Variants in LARP1B observed in about 807,000 individuals in gnomAD.
LARP1B encodes La ribonucleoprotein 1B.
Under a neutral mutation model 114.2 loss-of-function variants are expected in LARP1B, and 76 were observed. The ratio of observed to expected loss-of-function variants is 0.67; its 90% CI spans 0.55 to 0.81. The LOEUF is 0.81. Ranked by LOEUF, LARP1B falls within the 30% of genes least tolerant of loss-of-function variation. The probability of loss-of-function intolerance (pLI) is 0.00; values close to 1 mark genes in which losing one functional copy is unlikely to be tolerated. For synonymous variants in LARP1B, 345 were observed against 348.0 expected, an observed-to-expected ratio of 0.99 and a Z score of 0.10; for missense variants, 1,014 against 1,075.8, an observed-to-expected ratio of 0.94 and a Z score of 0.80.
intron 1 of LARP1B, among the ~76,000 whole-genome samples, chr4:128,064,176 G>A (rs1444876483): frequency 2.0e-5 from 3 of 149,226 alleles, no homozygotes; most frequent in Non-Finnish European, 4.4e-5. Context: ...GGAGGTTGAG[G>A]CAGGAGAATC....
At chr4:128,080,184 T>C (rs2149441805) in intron 4 of LARP1B, among the ~76,000 whole-genome samples, 1 of 151,818 alleles carries the variant, frequency 6.6e-6, no homozygotes, top group African/African-American at 2.4e-5. Context: ...GGTTTCTCCA[T>C]GTTGGTCAGG....
chr4:128,139,959 T>C (rs572346669), intron 11 of LARP1B, among the ~76,000 whole-genome samples: 25 of 152,330 alleles, frequency 1.6e-4, no homozygotes, highest in African/African-American at 6.0e-4. Flanking sequence ...TTGCATTGTT[T>C]AGTAGACATT....
At position 128,096,594 on chromosome 4, in the gene LARP1B, GTCTT is replaced by G. The variant is rs567504391; in HGVS notation, c.669-1586_669-1583del. 1.4e-3 allele frequency among the ~76,000 whole-genome samples: 206 copies of G among 151,126 alleles called. 5 individuals carry two copies. The South Asian group carries it at 0.022, about 16-fold the overall frequency. On this transcript the variant is annotated intron_variant, in intron 7 of 19. Coordinates refer to ENST00000326639, the MANE Select transcript of LARP1B (RefSeq NM_018078.4). ...TAGCTATATTCTGTTCACCCTTAAT[GTCTT>G]TCTTTTTTTTTTTTCTGTTTGAGAT...
chr4:128,084,217 G>A (rs1772284448), intron 5 of LARP1B, among the ~76,000 whole-genome samples: 1 of 152,174 alleles, frequency 6.6e-6, no homozygotes, highest in Admixed American at 6.5e-5. Context: ...CTTCCCAGAC[G>A]GGGTGGCGGC....
At chr4:128,155,569 C>A in intron 11 of LARP1B, 2 of 827,194 alleles carry the variant, frequency 2.4e-6, no homozygotes. Context: ...TTTTCTGGGG[C>A]CCAGCAGTTG....
chr4:128,209,367 G>C (rs879271458), intron 19 of LARP1B, among the ~76,000 whole-genome samples: 26 of 152,170 alleles, frequency 1.7e-4, no homozygotes, highest in Admixed American at 1.7e-3. Flanking sequence ...ATTCCAGTGA[G>C]CCGATGTGGC....
chr4:128,066,408 G>T (rs1426244364), intron 1 of LARP1B, among the ~76,000 whole-genome samples: 2 of 151,134 alleles, frequency 1.3e-5, no homozygotes, highest in African/African-American at 4.9e-5. Flanking sequence ...TCGATCTGCT[G>T]ACCTCGTGAT....
chr4:128,063,788 A>C (rs77295997), intron 1 of LARP1B, among the ~76,000 whole-genome samples: 10 of 152,286 alleles, frequency 6.6e-5, no homozygotes, highest in Admixed American at 2.6e-4. Flanking sequence ...TCAAAAAAAA[A>C]CACAAAAAAA....
intron 17 of LARP1B, among the ~76,000 whole-genome samples, chr4:128,205,932 G>A (rs547701954): frequency 1.3e-5 from 2 of 152,164 alleles, no homozygotes; most frequent in Non-Finnish European, 2.9e-5. Flanking sequence ...TTCATGATGT[G>A]CTACGGCTGA....
At chr4:128,126,113 CTTTTTTTT>C (rs76050129) in intron 11 of LARP1B, among the ~76,000 whole-genome samples, 1 of 136,032 alleles carries the variant, frequency 7.4e-6, no homozygotes, top group Non-Finnish European at 1.5e-5. Flanking sequence ...TTAAAATAAT[CTTTTTTTT>C]TTTTTTTTTT....
chr4:128,095,812 T>G (rs1162284007), intron 7 of LARP1B, among the ~76,000 whole-genome samples: 2 of 152,158 alleles, frequency 1.3e-5, no homozygotes, highest in African/African-American at 4.8e-5. Context: ...TCATAACTTG[T>G]ATTCCATGTT....
chr4:128,082,318 T>C lies in LARP1B; in HGVS notation c.358+13T>C, dbSNP rs764800677. On this transcript the variant is annotated intron_variant, in intron 5 of 19. Transcript: ENST00000326639. ...AATGATACACGAAGTAAGTTACCAT[T>C]CTAAGACAAAAATGACTAAGGAAAG... The C allele has an allele frequency of 2.9e-5, 46 of 1,611,314 alleles. No individual in the cohort carries two copies. The highest frequency in any genetic ancestry group is 3.7e-5 in the Non-Finnish European group (43 of 1,177,984).
At chr4:128,120,744 A>G (rs1008710072) in intron 10 of LARP1B, among the ~76,000 whole-genome samples, 2 of 150,568 alleles carry the variant, frequency 1.3e-5, no homozygotes, top group Non-Finnish European at 2.9e-5. Context: ...TGTTGGGATT[A>G]CAGATGTGAG....
rs1774406452 is a variant in LARP1B at position 128,088,157 on chromosome 4, T to C, written c.359-2844T>C. ...CTGCAGTGAGCTATGATCATGCCAC[T>C]GCAGCCTGGGTGACAGAGTGAGACC... On this transcript the variant is annotated intron_variant, in intron 5 of 19. Coordinates refer to ENST00000326639, the MANE Select transcript of LARP1B (RefSeq NM_018078.4). 2.0e-5 allele frequency among the ~76,000 whole-genome samples: 3 copies of C among 151,886 alleles called. No individual in the cohort carries two copies. The East Asian group carries it at 5.8e-4, about 30-fold the overall frequency.
intron 9 of LARP1B, among the ~76,000 whole-genome samples, chr4:128,110,057 C>T (rs1169136207): frequency 6.6e-6 from 1 of 152,088 alleles, no homozygotes; most frequent in Admixed American, 6.6e-5. Flanking sequence ...GTGTGTGCCA[C>T]CACGCTTGGC....
chr4:128,197,288 T>G (rs1754487718), intron 15 of LARP1B, among the ~76,000 whole-genome samples: 1 of 152,250 alleles, frequency 6.6e-6, no homozygotes, highest in Admixed American at 6.5e-5. Context: ...AAGTATTGGT[T>G]GTAACTGTCA....
chr4:128,106,601 A>G (rs576630072), intron 8 of LARP1B, among the ~76,000 whole-genome samples: 21 of 151,688 alleles, frequency 1.4e-4, no homozygotes, highest in East Asian at 3.9e-4. Flanking sequence ...TTGTAGATAG[A>G]TAGTGGTTTG....
At chr4:128,071,384 T>C (rs1327260881) in intron 1 of LARP1B, among the ~76,000 whole-genome samples, 1 of 149,808 alleles carries the variant, frequency 6.7e-6, no homozygotes, top group East Asian at 2.0e-4. Flanking sequence ...AAACTGATAC[T>C]CCCACTATTA....
chr4:128,085,526 C>T (rs892207101), intron 5 of LARP1B, among the ~76,000 whole-genome samples: 25 of 151,642 alleles, frequency 1.6e-4, no homozygotes, highest in African/African-American at 2.9e-4. Flanking sequence ...CCACCATGCC[C>T]GGCTAATTAA....
Sources: allele counts gnomAD v4.1 joint callset (sites outside exome capture counted in the v4.1 genomes callset), GRCh38; gene constraint gnomAD v4.1.1; transcripts MANE v1.5; gene names NCBI Gene and HGNC (gene_info 2026-07-23, HGNC 2026-07-21).